The following RALGAPA2 variants were observed in gnomAD, a reference collection of about 807,000 sequenced individuals.
RALGAPA2 encodes Ral GTPase activating protein catalytic subunit alpha 2, also known as ral GTPase-activating protein subunit alpha-2.
A neutral mutation model predicts 230.4 loss-of-function variants in RALGAPA2; 139 were observed. The ratio of observed to expected loss-of-function variants is 0.60; its 90% CI spans 0.53 to 0.69. The LOEUF (loss-of-function observed/expected upper bound fraction) is 0.69, where lower values mean the gene tolerates loss of function less well. Among genes scored for constraint, RALGAPA2 ranks in the 30% least tolerant of loss-of-function variants. The pLI is 0.00. For synonymous variants in RALGAPA2, 847 were observed against 837.8 expected (o/e 1.01, Z -0.19); for missense variants, 2,163 against 2,276.0 (o/e 0.95, Z 1.01).
At chr20:20,395,562 A>G (rs900459491) in intron 39 of RALGAPA2, among the ~76,000 whole-genome samples, 3 of 151,902 alleles carry the variant, frequency 2.0e-5, no homozygotes, top group African/African-American at 4.8e-5. Flanking sequence ...GGACTGTACA[A>G]CCCTTCTCTG....
At chr20:20,435,350 G>C (rs1269047036) in intron 37 of RALGAPA2, among the ~76,000 whole-genome samples, 1 of 152,226 alleles carries the variant, frequency 6.6e-6, no homozygotes, top group African/African-American at 2.4e-5. Flanking sequence ...ACCACCCTGG[G>C]CAGACAGCGC....
chr20:20,394,346 G>A (rs888600547), intron 39 of RALGAPA2, among the ~76,000 whole-genome samples: 2 of 152,110 alleles, frequency 1.3e-5, no homozygotes, highest in African/African-American at 2.4e-5. Context: ...GGCTCAGTCA[G>A]GTCGGGCATA....
intron 3 of RALGAPA2, among the ~76,000 whole-genome samples, chr20:20,675,541 T>G (rs571155528): frequency 6.6e-6 from 1 of 152,248 alleles, no homozygotes; most frequent in African/African-American, 2.4e-5. Flanking sequence ...AACCAACAAT[T>G]AACTTTCGGA....
intron 38 of RALGAPA2, among the ~76,000 whole-genome samples, chr20:20,401,729 C>T (rs1300341045): frequency 6.6e-6 from 1 of 152,148 alleles, no homozygotes; most frequent in East Asian, 1.9e-4. Context: ...GGAAACATTG[C>T]AGAAGCAATG....
At chr20:20,500,656 G>C (rs552201641) in intron 35 of RALGAPA2, among the ~76,000 whole-genome samples, 1 of 152,330 alleles carries the variant, frequency 6.6e-6, no homozygotes, top group South Asian at 2.1e-4. Flanking sequence ...AAACTCCTGT[G>C]AATCTTGATA....
At chr20:20,518,399 C>A (rs1335266892) in intron 31 of RALGAPA2, among the ~76,000 whole-genome samples, 1 of 152,120 alleles carries the variant, frequency 6.6e-6, no homozygotes, top group Middle Eastern at 3.2e-3. Flanking sequence ...AAGCATTACA[C>A]TGAGTGAAAA....
At chr20:20,438,033 G>C (rs552420632) in intron 37 of RALGAPA2, among the ~76,000 whole-genome samples, 1 of 152,214 alleles carries the variant, frequency 6.6e-6, no homozygotes, top group Non-Finnish European at 1.5e-5. Context: ...ACCCCATGGG[G>C]ATCTTCTGGG....
chr20:20,498,232 G>T (rs1328710541), intron 35 of RALGAPA2, among the ~76,000 whole-genome samples: 3 of 152,188 alleles, frequency 2.0e-5, no homozygotes, highest in Non-Finnish European at 4.4e-5. Context: ...TGTAACTGGG[G>T]AAGAATGATG....
intron 37 of RALGAPA2, among the ~76,000 whole-genome samples, chr20:20,438,304 G>C (rs143962958): frequency 6.6e-6 from 1 of 152,292 alleles, no homozygotes; most frequent in African/African-American, 2.4e-5. Context: ...TACTACTAGA[G>C]CTTGGTATTT....
Position 20,619,393 on chromosome 20 carries a change from G to T in RALGAPA2, c.1423C>A (p.His475Asn), listed in dbSNP as rs763069215. The change falls in exon 12 of 40, where the codon CAT becomes AAT. Residue 475 changes from histidine (H) to asparagine (N), a missense_variant. Physicochemically the swap from His to Asn is moderately conservative, Grantham distance 68. Coordinates refer to ENST00000202677, the MANE Select transcript of RALGAPA2 (RefSeq NM_020343.4). ...SKEASSESSG[H>N]KRSSSWGRTY... is the part of the protein sequence containing the mutation. ...CGTCCCCAACTGGAAGATCGTTTAT[G>T]ACCAGAACTTTCAGATGAGGCCTTC... 1 of 1,603,660 alleles carries T rather than the reference G, an allele frequency of 6.2e-7. No homozygotes were observed. Among genetic ancestry groups the T allele is most frequent in the South Asian group, 1.1e-5 (1 of 89,078 alleles).
At chr20:20,470,147 A>G (rs2123372060) in intron 37 of RALGAPA2, among the ~76,000 whole-genome samples, 1 of 152,322 alleles carries the variant, frequency 6.6e-6, no homozygotes, top group East Asian at 1.9e-4. Context: ...CTCCCAAATA[A>G]GAACTGCTTT....
At chr20:20,397,934 C>T (rs1830591492) in intron 38 of RALGAPA2, among the ~76,000 whole-genome samples, 1 of 152,184 alleles carries the variant, frequency 6.6e-6, no homozygotes, top group Admixed American at 6.5e-5. Context: ...AACACCGTTC[C>T]TTCTCCACAC....
At chr20:20,675,768 T>C (rs1302246096) in intron 3 of RALGAPA2, among the ~76,000 whole-genome samples, 2 of 152,324 alleles carry the variant, frequency 1.3e-5, no homozygotes, top group East Asian at 3.9e-4. Context: ...AGTTTTTGCA[T>C]GTCAGATTTA....
chr20:20,591,437 G>T, intron 16 of RALGAPA2, 123 bp from the exon 17 acceptor site: 1 of 1,162,026 alleles, frequency 8.6e-7, no homozygotes, highest in South Asian at 1.6e-5. Flanking sequence ...TTTATAGTCA[G>T]ATAATCTGCA....
intron 1 of RALGAPA2, among the ~76,000 whole-genome samples, chr20:20,701,966 G>C (rs1255159535): frequency 1.3e-5 from 2 of 151,468 alleles, no homozygotes; most frequent in Non-Finnish European, 2.9e-5. Context: ...CTTGAACCTG[G>C]GAGGCAGAGG....
intron 37 of RALGAPA2, among the ~76,000 whole-genome samples, chr20:20,433,065 G>T (rs986590289): frequency 4.6e-5 from 7 of 152,194 alleles, no homozygotes; most frequent in African/African-American, 1.7e-4. Context: ...AAGCCATTGG[G>T]TCATTTCATG....
chr20:20,621,766 T>A (rs755478728), intron 10 of RALGAPA2, among the ~76,000 whole-genome samples: 1 of 152,348 alleles, frequency 6.6e-6, no homozygotes, highest in Non-Finnish European at 1.5e-5. Flanking sequence ...TTTTCGCTTA[T>A]CAGTTTTAAG....
At chr20:20,515,348 G>A (rs1284356702) in intron 31 of RALGAPA2, among the ~76,000 whole-genome samples, 2 of 152,222 alleles carry the variant, frequency 1.3e-5, no homozygotes, top group Non-Finnish European at 2.9e-5. Context: ...CCACTGGGAA[G>A]GACAGAATAG....
intron 16 of RALGAPA2, among the ~76,000 whole-genome samples, chr20:20,596,521 G>C (rs370038817): frequency 6.6e-6 from 1 of 152,160 alleles, no homozygotes; most frequent in East Asian, 1.9e-4. Flanking sequence ...GTGCCAACCA[G>C]TGGAGAATAT....
Sources: allele counts gnomAD v4.1 joint callset (sites outside exome capture counted in the v4.1 genomes callset), GRCh38; gene constraint gnomAD v4.1.1; transcripts MANE v1.5; gene names NCBI Gene and HGNC (gene_info 2026-07-23, HGNC 2026-07-21).